The following XKR6 variants were observed in gnomAD, a reference collection of about 807,000 sequenced individuals.
XKR6 encodes the protein XK related 6, also known as XK-related protein 6.
XKR6 carries 22 observed loss-of-function variants against 56.7 expected under a neutral mutation model. The ratio of observed to expected loss-of-function variants is 0.39; its 90% CI spans 0.28 to 0.55. The LOEUF (loss-of-function observed/expected upper bound fraction) is 0.55. XKR6 is among the 20% of genes least tolerant of loss of function. The pLI is 0.66. For synonymous variants in XKR6, 524 were observed against 387.8 expected, an observed-to-expected ratio of 1.35 and a Z score of -4.13; for missense variants, 852 against 889.0, an observed-to-expected ratio of 0.96 and a Z score of 0.53.
intron 1 of XKR6, among the ~76,000 whole-genome samples, chr8:10,951,150 A>T (rs1278584973): frequency 1.3e-5 from 2 of 152,214 alleles, no homozygotes; most frequent in Admixed American, 1.3e-4. Flanking sequence ...TCTGGAGGCC[A>T]CAGCACCCCA....
chr8:11,089,536 T>C (rs1343653257), intron 1 of XKR6, among the ~76,000 whole-genome samples: 4 of 152,012 alleles, frequency 2.6e-5, no homozygotes, highest in South Asian at 2.1e-4. Flanking sequence ...ACAAGGGAGG[T>C]TGAGGCAGGA....
At chr8:11,057,529 G>A (rs1048796469) in intron 1 of XKR6, among the ~76,000 whole-genome samples, 4 of 152,210 alleles carry the variant, frequency 2.6e-5, no homozygotes, top group Non-Finnish European at 4.4e-5. Flanking sequence ...AACACGCTGA[G>A]GTAAGTGTTT....
chr8:11,106,087 T>G (rs963990269), intron 1 of XKR6: 22 of 152,224 alleles, frequency 1.4e-4, no homozygotes, highest in Admixed American at 5.2e-4. Flanking sequence ...AGGAAAAATT[T>G]TAGAATAATA....
At chr8:10,921,628 T>C (rs1449245092) in intron 2 of XKR6, among the ~76,000 whole-genome samples, 1 of 152,150 alleles carries the variant, frequency 6.6e-6, no homozygotes, top group African/African-American at 2.4e-5. Flanking sequence ...AGGTCCAAAA[T>C]CACAAGAGGG....
At chr8:11,016,667 G>A (rs1347733865) in intron 1 of XKR6, among the ~76,000 whole-genome samples, 2 of 152,072 alleles carry the variant, frequency 1.3e-5, no homozygotes, top group Non-Finnish European at 2.9e-5. Flanking sequence ...GGATGACGAC[G>A]CCCCAGGCCC....
intron 1 of XKR6, among the ~76,000 whole-genome samples, chr8:10,928,790 C>G (rs375822217): frequency 1.3e-5 from 2 of 152,226 alleles, no homozygotes; most frequent in African/African-American, 4.8e-5. Flanking sequence ...CCTTCTCCAC[C>G]TTCCAGGCGG....
At chr8:11,101,073 C>G (rs557598943) in intron 1 of XKR6, among the ~76,000 whole-genome samples, 1 of 152,184 alleles carries the variant, frequency 6.6e-6, no homozygotes, top group Admixed American at 6.5e-5. Flanking sequence ...AGCATACACA[C>G]GTGCACACAC....
intron 1 of XKR6, among the ~76,000 whole-genome samples, chr8:11,000,547 C>G (rs1439236560): frequency 2.0e-5 from 3 of 152,032 alleles, no homozygotes; most frequent in Non-Finnish European, 4.4e-5. Flanking sequence ...TAGCCAGGCA[C>G]AGTGGCACAC....
chr8:11,012,922 G>T (rs141710559), intron 1 of XKR6, among the ~76,000 whole-genome samples: 138 of 152,252 alleles, frequency 9.1e-4, no homozygotes, highest in African/African-American at 3.2e-3. Flanking sequence ...ATACCCCAAG[G>T]AAAAAGGTGG....
intron 1 of XKR6, among the ~76,000 whole-genome samples, chr8:11,033,304 GTGA>G (rs137909008): frequency 1.4e-4 from 21 of 145,678 alleles, no homozygotes; most frequent in South Asian, 2.2e-4. Flanking sequence ...GATGGTGGTG[GTGA>G]TGATGATGAT....
At chr8:11,193,172 A>T (rs1376194733) in intron 1 of XKR6, among the ~76,000 whole-genome samples, 1 of 152,232 alleles carries the variant, frequency 6.6e-6, no homozygotes, top group African/African-American at 2.4e-5. Context: ...ATTTCTTCCT[A>T]GAAATGAATG....
intron 1 of XKR6, among the ~76,000 whole-genome samples, chr8:10,966,954 C>T (rs549167814): frequency 4.6e-5 from 7 of 152,226 alleles, no homozygotes; most frequent in South Asian, 2.1e-4. Flanking sequence ...CAGGCAATTA[C>T]GAAGCTTGAG....
chr8:11,043,996 C>T (rs537246089), intron 1 of XKR6, among the ~76,000 whole-genome samples: 17 of 152,354 alleles, frequency 1.1e-4, no homozygotes, highest in Admixed American at 7.2e-4. Context: ...AGCTAAACAA[C>T]ACTTGCCTCA....
intron 1 of XKR6, among the ~76,000 whole-genome samples, chr8:11,099,219 C>T (rs545437579): frequency 1.4e-4 from 22 of 152,324 alleles, no homozygotes; most frequent in African/African-American, 5.3e-4. Flanking sequence ...GGAGGGCAAT[C>T]GTCCAACCAA....
chr8:11,132,353 T>C (rs1800145120), intron 1 of XKR6, among the ~76,000 whole-genome samples: 1 of 151,834 alleles, frequency 6.6e-6, no homozygotes, highest in Non-Finnish European at 1.5e-5. Context: ...CTTTCTTTCT[T>C]TTTCTTTTTC....
At chr8:11,087,728 T>C (rs746946113) in intron 1 of XKR6, among the ~76,000 whole-genome samples, 4 of 152,214 alleles carry the variant, frequency 2.6e-5, no homozygotes, top group Non-Finnish European at 5.9e-5. Context: ...TAGAGTCACA[T>C]ATCCAGCAAC....
At chr8:11,067,785 A>C (rs1586501343) in intron 1 of XKR6, among the ~76,000 whole-genome samples, 1 of 152,202 alleles carries the variant, frequency 6.6e-6, no homozygotes, top group South Asian at 2.1e-4. Context: ...GCCACTTCCA[A>C]GAGCAGGCGT....
At chr8:11,132,278 A>G (rs1800141100) in intron 1 of XKR6, among the ~76,000 whole-genome samples, 1 of 152,176 alleles carries the variant, frequency 6.6e-6, no homozygotes, top group African/African-American at 2.4e-5. Flanking sequence ...TTACAGAGCT[A>G]CTGTCTAAAC....
chr8:11,022,157 C>A (rs1379975342), intron 1 of XKR6, among the ~76,000 whole-genome samples: 1 of 149,740 alleles, frequency 6.7e-6, no homozygotes, highest in African/African-American at 2.5e-5. Flanking sequence ...AAGGGGCCCT[C>A]TCTTAAAGAG....
Sources: gnomAD v4.1 joint callset for allele counts (sites outside exome capture counted in the v4.1 genomes callset) on GRCh38, gnomAD v4.1.1 for gene constraint, MANE v1.5 for transcripts, NCBI Gene and HGNC (gene_info 2026-07-23, HGNC 2026-07-21) for gene names.